The following ZNF721 variants were observed in gnomAD, a reference collection of about 807,000 sequenced individuals.
ZNF721 encodes the protein zinc finger protein 721.
In ZNF721, 2 loss-of-function variants were observed where a neutral mutation model predicts 2.4. The ratio of observed to expected loss-of-function variants is 0.82; its 90% CI spans 0.34 to 2.58. The LOEUF (loss-of-function observed/expected upper bound fraction) is 2.58. Ranked by LOEUF, ZNF721 falls within the 30% of genes most tolerant of loss-of-function variation. ZNF721 has a pLI of 0.11. For missense variants in ZNF721, 1,187 were observed against 1,085.5 expected, an observed-to-expected ratio of 1.09 and a Z score of -1.31; for synonymous variants, 398 against 381.8, an observed-to-expected ratio of 1.04 and a Z score of -0.50.
At chr4:454,132 A>G (rs1714761649) in intron 2 of ZNF721, 2 of 152,370 alleles carry the variant, frequency 1.3e-5, no homozygotes, top group South Asian at 4.1e-4. Context: ...CACTATGATT[A>G]CAGTAACTAT....
At chr4:479,145 G>T (rs1177296359) in intron 1 of ZNF721, among the ~76,000 whole-genome samples, 2 of 152,042 alleles carry the variant, frequency 1.3e-5, no homozygotes, top group Non-Finnish European at 2.9e-5. Context: ...CCATTGCTTG[G>T]TCACGATAAC....
At chr4:474,107 G>C (rs73072110) in intron 1 of ZNF721, 52,705 of 1,232,934 alleles carry the variant, frequency 0.043, 1,889 homozygotes, top group African/African-American at 0.18. Context: ...TGGAAGCAGG[G>C]AAGTGAGGCC....
Position 442,494 on chromosome 4 carries a change from T to A in ZNF721, c.1973A>T (p.Gln658Leu). Residue 658 changes from glutamine to leucine, a missense_variant, in exon 3 of 3, where the codon CAA (glutamine) becomes CTA (leucine). Transcript: ENST00000511833. ...KAFAPSTDLN[Q>L]HTKILTGEQS... ...CTCTCCAGTAAGAATTTTCGTGTGT[T>A]GATTCAGGTCTGTTGATGGGGCAAA... 1 of 1,612,820 alleles carries A rather than the reference T, an allele frequency of 6.2e-7. No homozygotes were observed. Among genetic ancestry groups the A allele is most frequent in the Non-Finnish European group, 8.5e-7 (1 of 1,179,000 alleles).
chr4:454,032 C>T (rs1714758412), intron 2 of ZNF721: 1 of 152,150 alleles, frequency 6.6e-6, no homozygotes, highest in African/African-American at 2.4e-5. Flanking sequence ...TGGGTTTCTC[C>T]CACCAGACAA....
intron 1 of ZNF721, among the ~76,000 whole-genome samples, chr4:486,656 T>G (rs1715906588): frequency 1.3e-5 from 2 of 152,232 alleles, no homozygotes; most frequent in Admixed American, 1.3e-4. Context: ...GTAATTTGAC[T>G]TTGTCTATAT....
intron 1 of ZNF721, among the ~76,000 whole-genome samples, chr4:491,033 T>C (rs561735979): frequency 6.6e-6 from 1 of 152,142 alleles, no homozygotes; most frequent in Non-Finnish European, 1.5e-5. Flanking sequence ...TATAGCACTG[T>C]GCCATTAGGA....
rs1244721253 is a variant in ZNF721, at chr4:499,097, G to A, written c.-135C>T. On this transcript the variant is annotated 5_prime_UTR_variant, in exon 1 of 3. Coordinates refer to ENST00000511833, the MANE Select transcript of ZNF721 (RefSeq NM_133474.4). ...ACCGTCGCGGACTCGCCGGGAAGAC[G>A]GCCCCACGGAGCCGGGAACACCGCC... The A allele has an allele frequency of 3.7e-6, 2 of 539,380 alleles. No individual in the cohort carries two copies. Among genetic ancestry groups the A allele is most frequent in the Non-Finnish European group, 3.2e-6 (1 of 310,774 alleles). 33.4% of individuals were successfully genotyped at this position (539,380 alleles called of 1,614,324 possible).
intron 2 of ZNF721, among the ~76,000 whole-genome samples, chr4:465,782 CA>C (rs150785605): frequency 6.1e-5 from 8 of 130,690 alleles, no homozygotes; most frequent in South Asian, 5.1e-4. Flanking sequence ...TTGGAAATTA[CA>C]AAAAAAAAAC....
At chr4:447,675 TAA>T (rs1328468541) in intron 2 of ZNF721, among the ~76,000 whole-genome samples, 1 of 151,914 alleles carries the variant, frequency 6.6e-6, no homozygotes, top group Non-Finnish European at 1.5e-5. Context: ...TGTAATAATT[TAA>T]AAAGACTGAA....
rs1442829630 is a variant in ZNF721 at position 443,343 on chromosome 4, G to T, written c.1124C>A (p.Ala375Asp). The change falls in exon 3 of 3, where the codon GCC becomes GAC. Residue 375 changes from alanine to aspartate, a missense_variant. Coordinates refer to ENST00000511833, the MANE Select transcript of ZNF721 (RefSeq NM_133474.4). Reference protein sequence around the residue: ...DCGKAFGRYTALNQHKKIHTG... With the variant: ...DCGKAFGRYTDLNQHKKIHTG... Reference sequence around the variant, plus strand: ...ATGAATTTTCTTGTGTTGATTCAGGGCTGTGTACCGTCCAAAGGCTTTGCC... The same window carrying T: ...ATGAATTTTCTTGTGTTGATTCAGGTCTGTGTACCGTCCAAAGGCTTTGCC... 43 of 1,612,318 alleles carry T rather than the reference G, an allele frequency of 2.7e-5. No individual in the cohort carries two copies. The highest frequency in any genetic ancestry group is 3.4e-5 in the Non-Finnish European group (40 of 1,179,392).
intron 1 of ZNF721, among the ~76,000 whole-genome samples, chr4:478,553 T>C (rs1399866483): frequency 6.6e-6 from 1 of 152,138 alleles, no homozygotes; most frequent in African/African-American, 2.4e-5. Context: ...TAATAGCATG[T>C]GACATAATTT....
intron 2 of ZNF721, among the ~76,000 whole-genome samples, chr4:469,433 T>C (rs1452407073): frequency 1.3e-5 from 2 of 152,074 alleles, no homozygotes; most frequent in Non-Finnish European, 2.9e-5. Context: ...AATACAATAA[T>C]GACAGAAATT....
chr4:445,658 G>A (rs1714449450), intron 2 of ZNF721, among the ~76,000 whole-genome samples: 2 of 151,744 alleles, frequency 1.3e-5, no homozygotes, highest in South Asian at 4.2e-4. Context: ...GAACATCAAT[G>A]AAAACATTAA....
intron 2 of ZNF721, among the ~76,000 whole-genome samples, chr4:455,718 G>C (rs1714825192): frequency 2.0e-5 from 3 of 152,004 alleles, no homozygotes; most frequent in Non-Finnish European, 4.4e-5. Flanking sequence ...TGTTCTTCAA[G>C]AGCTGAAGAA....
chr4:445,847 C>T (rs533948539), intron 2 of ZNF721, among the ~76,000 whole-genome samples: 1 of 152,160 alleles, frequency 6.6e-6, no homozygotes, highest in African/African-American at 2.4e-5. Flanking sequence ...ACAAGAAGGG[C>T]ATTTTAGGAA....
At chr4:463,981 T>G (rs1197856201) in intron 2 of ZNF721, among the ~76,000 whole-genome samples, 3 of 152,074 alleles carry the variant, frequency 2.0e-5, no homozygotes, top group African/African-American at 7.2e-5. Flanking sequence ...TTAAAAAATC[T>G]CGATAAGATG....
In ZNF721 at chr4:442,259, C is replaced by T. The variant is rs1553863308; in HGVS notation, c.2208G>A (p.Trp736Ter). ...TCTTATATTCGTTCAGGTTTGTGGA[C>T]CATCCAAAGGATCTGCCACGATCTT... ...KCEDRGRSFG[W>*]STNLNEYKKI... The change falls in exon 3 of 3, where the codon TGG (tryptophan) becomes TGA (stop). Residue 736 changes from tryptophan (W) to a stop codon, truncating the protein, a stop_gained. Coordinates refer to ENST00000511833, the MANE Select transcript of ZNF721 (RefSeq NM_133474.4). LOFTEE classifies it low-confidence loss of function (END_TRUNC). The T allele has an allele frequency of 6.2e-7, 1 of 1,613,206 alleles. No homozygotes were observed. The highest frequency in any genetic ancestry group is 1.1e-5 in the South Asian group (1 of 91,040).
At chr4:471,379 A>T (rs1362424597) in intron 2 of ZNF721, among the ~76,000 whole-genome samples, 2 of 152,192 alleles carry the variant, frequency 1.3e-5, no homozygotes, top group Non-Finnish European at 2.9e-5. Context: ...CAGCCATAAG[A>T]GAAAAGAAAA....
rs1389240262 is a variant in ZNF721 at position 499,104 on chromosome 4, C to G, written c.-142G>C. The G allele has an allele frequency of 5.5e-6, 3 of 547,282 alleles. No individual in the cohort carries two copies. The highest frequency in any genetic ancestry group is 6.6e-5 in the East Asian group (2 of 30,110). The allele number at this position is 547,282 out of a possible 1,614,324, so 33.9% of individuals were successfully genotyped here. On this transcript the variant is annotated 5_prime_UTR_variant, in exon 1 of 3. Transcript: ENST00000511833. ...CGGACTCGCCGGGAAGACGGCCCCA[C>G]GGAGCCGGGAACACCGCCCGCTGTT...
Sources: gnomAD v4.1 joint callset for allele counts (sites outside exome capture counted in the v4.1 genomes callset) on GRCh38, gnomAD v4.1.1 for gene constraint, MANE v1.5 for transcripts, NCBI Gene and HGNC (gene_info 2026-07-23, HGNC 2026-07-21) for gene names.